The following DAB1 variants were observed in gnomAD, a reference collection of about 807,000 sequenced individuals.
The protein encoded by DAB1 is disabled homolog 1.
A neutral mutation model predicts 64.6 loss-of-function variants in DAB1; 15 were observed. The observed-to-expected ratio is 0.23, with a 90% confidence interval of 0.16 to 0.36. The LOEUF (loss-of-function observed/expected upper bound fraction) is 0.36. DAB1 is among the 10% of genes least tolerant of loss of function. The pLI, the probability that DAB1 is intolerant of heterozygous loss-of-function variation, is 1.00. For missense variants in DAB1, 596 were observed against 706.7 expected (o/e 0.84, Z 1.78); for synonymous variants, 235 against 251.9 (o/e 0.93, Z 0.64).
intron 1 of DAB1, among the ~76,000 whole-genome samples, chr1:58,543,224 G>A (rs961997524): frequency 5.3e-5 from 8 of 152,086 alleles, no homozygotes; most frequent in African/African-American, 1.9e-4. Context: ...TCTCTAAGAC[G>A]TTTACATGGT....
At chr1:57,749,583 T>C (rs554740162) in intron 6 of DAB1, among the ~76,000 whole-genome samples, 1 of 152,254 alleles carries the variant, frequency 6.6e-6, no homozygotes, top group Admixed American at 6.5e-5. Flanking sequence ...TGCTTTCCAG[T>C]TGTCCACAGT....
intron 1 of DAB1, among the ~76,000 whole-genome samples, chr1:57,399,078 A>G (rs1364622106): frequency 6.6e-6 from 1 of 151,986 alleles, no homozygotes; most frequent in Non-Finnish European, 1.5e-5. Context: ...ATGTTTGCAT[A>G]AGCCAGAGTT....
At chr1:58,216,043 T>A (rs1393099472) in intron 4 of DAB1, among the ~76,000 whole-genome samples, 1 of 152,162 alleles carries the variant, frequency 6.6e-6, no homozygotes, top group Admixed American at 6.6e-5. Flanking sequence ...TTATTATTTT[T>A]ATTATACTTT....
chr1:57,329,413 T>G (rs1480219791), intron 1 of DAB1, among the ~76,000 whole-genome samples: 1 of 152,176 alleles, frequency 6.6e-6, no homozygotes, highest in Non-Finnish European at 1.5e-5. Context: ...TTATTGGCCA[T>G]TACTCGTACT....
At chr1:58,430,089 A>C (rs1445633481) in intron 3 of DAB1, among the ~76,000 whole-genome samples, 2 of 152,112 alleles carry the variant, frequency 1.3e-5, no homozygotes, top group African/African-American at 4.8e-5. Flanking sequence ...TCACCTCCTA[A>C]AGGCCCCATC....
intron 1 of DAB1, among the ~76,000 whole-genome samples, chr1:57,827,442 C>T (rs74731634): frequency 6.6e-6 from 1 of 152,214 alleles, no homozygotes; most frequent in Admixed American, 6.5e-5. Context: ...CATTCTGTGA[C>T]CTTGGGCAAT....
intron 7 of DAB1, among the ~76,000 whole-genome samples, chr1:57,496,586 T>C (rs897434301): frequency 2.0e-5 from 3 of 152,124 alleles, no homozygotes; most frequent in African/African-American, 4.8e-5. Context: ...TTTTCAAACA[T>C]TAAAATAGAC....
chr1:57,026,972 A>C (rs1646809249), intron 9 of DAB1, among the ~76,000 whole-genome samples: 1 of 152,188 alleles, frequency 6.6e-6, no homozygotes, highest in Admixed American at 6.5e-5. Context: ...AGGAAAAACC[A>C]CTTTTCCCTT....
chr1:57,237,285 A>T (rs964588546), intron 2 of DAB1, among the ~76,000 whole-genome samples: 4 of 152,228 alleles, frequency 2.6e-5, no homozygotes, highest in African/African-American at 9.6e-5. Flanking sequence ...GATAAAAGAC[A>T]ACCTGTCCCC....
intron 4 of DAB1, among the ~76,000 whole-genome samples, chr1:58,152,962 T>C (rs1031570133): frequency 1.3e-5 from 2 of 152,170 alleles, no homozygotes; most frequent in African/African-American, 4.8e-5. Flanking sequence ...TCTTCAAAGC[T>C]CCAAATCTGG....
intron 4 of DAB1, among the ~76,000 whole-genome samples, chr1:58,342,621 C>T (rs1557735629): frequency 6.6e-6 from 1 of 152,264 alleles, no homozygotes; most frequent in Non-Finnish European, 1.5e-5. Flanking sequence ...ACTCAATGTA[C>T]CAAAGCTGAA....
intron 5 of DAB1, among the ~76,000 whole-genome samples, chr1:58,096,619 G>T (rs554727956): frequency 6.6e-6 from 1 of 152,308 alleles, no homozygotes; most frequent in South Asian, 2.1e-4. Flanking sequence ...TTCAACACTT[G>T]CCCCATAACA....
chr1:57,168,077 T>C (rs975247979), intron 2 of DAB1, among the ~76,000 whole-genome samples: 3 of 152,192 alleles, frequency 2.0e-5, no homozygotes, highest in African/African-American at 7.2e-5. Flanking sequence ...ACCACACTCA[T>C]ATCTCCCCTA....
At chr1:57,958,726 G>C (rs1326020655) in intron 5 of DAB1, among the ~76,000 whole-genome samples, 1 of 152,170 alleles carries the variant, frequency 6.6e-6, no homozygotes, top group Admixed American at 6.5e-5. Context: ...TCTTCTAAGG[G>C]CTATGAGAAA....
intron 6 of DAB1, among the ~76,000 whole-genome samples, chr1:57,801,645 G>A (rs1178216293): frequency 3.3e-5 from 5 of 151,972 alleles, no homozygotes; most frequent in African/African-American, 9.7e-5. Context: ...GGGAGCCCAG[G>A]GAATTTTTTT....
In DAB1 at chr1:57,521,236, G is replaced by A. The variant is rs1211389551; in HGVS notation, n.625+128356C>T. Among the ~76,000 whole-genome samples, 4 of 152,132 alleles carry A rather than the reference G, an allele frequency of 2.6e-5. No individual in the cohort carries two copies. In the East Asian group the frequency reaches 5.8e-4, roughly 22 times the overall value. On this transcript the variant is annotated intron_variant and non_coding_transcript_variant, in intron 7 of 20. Transcript: ENST00000485760. Reference sequence around the variant, plus strand: ...TCAGTTCTCGAAATGTCTAAGGAGGGGATTAACTGGCTCAGCATAAGTCAG... The same window carrying A: ...TCAGTTCTCGAAATGTCTAAGGAGGAGATTAACTGGCTCAGCATAAGTCAG...
In DAB1 at chr1:57,379,173, T is replaced by C. The variant is rs12030202; in HGVS notation, c.-137+44757A>G. Among the ~76,000 whole-genome samples, 71 of 128,912 alleles carry C rather than the reference T, an allele frequency of 5.5e-4. No individual in the cohort carries two copies. In the East Asian group the frequency reaches 6.4e-3, roughly 12 times the overall value. The allele number at this position is 128,912 out of a possible 152,430, so 84.6% of individuals were successfully genotyped here. ...AGGGGCTACCAGCTAAGAAACCCCC[T>C]CCCCCACCATCTTTTCCTATTTCGT... On this transcript the variant is annotated intron_variant, in intron 1 of 14. Transcript: ENST00000371236.
intron 5 of DAB1, among the ~76,000 whole-genome samples, chr1:57,984,179 T>G (rs866528654): frequency 1.2e-4 from 4 of 34,286 alleles, no homozygotes; most frequent in East Asian, 1.8e-3. Context: ...AGGACTAGCT[T>G]AAAAAAAAGA....
At chr1:57,143,414 C>T (rs1658801647) in intron 3 of DAB1, among the ~76,000 whole-genome samples, 1 of 151,884 alleles carries the variant, frequency 6.6e-6, no homozygotes, top group African/African-American at 2.4e-5. Flanking sequence ...ATTGGACTAC[C>T]CTAAAATTGT....
Sources: gnomAD v4.1 joint callset for allele counts (sites outside exome capture counted in the v4.1 genomes callset) on GRCh38, gnomAD v4.1.1 for gene constraint, MANE v1.5 for transcripts, NCBI Gene and HGNC (gene_info 2026-07-23, HGNC 2026-07-21) for gene names.